Variants in GRK2 observed in about 807,000 individuals in gnomAD.
GRK2 encodes the protein G protein-coupled receptor kinase 2.
Under a neutral mutation model 97.8 loss-of-function variants are expected in GRK2, and 23 were observed. That is an observed-to-expected ratio of 0.24 (90% CI 0.17 to 0.33). GRK2 has a LOEUF of 0.33. GRK2 is among the 10% of genes least tolerant of loss of function. The probability of loss-of-function intolerance (pLI) is 1.00; values close to 1 mark genes in which losing one functional copy is unlikely to be tolerated. For missense variants in GRK2, 633 were observed against 956.9 expected, an observed-to-expected ratio of 0.66 and a Z score of 4.47; for synonymous variants, 425 against 381.7, an observed-to-expected ratio of 1.11 and a Z score of -1.32.
chr11:67,282,130 G>A lies in GRK2; in HGVS notation c.958-141G>A. ...TCTCTGGGTCCAGGTTGTAGCTGGGGACAGGAGAGAGGACCCCCACCTTTG... is the reference window on the plus strand; with the variant it reads ...TCTCTGGGTCCAGGTTGTAGCTGGGAACAGGAGAGAGGACCCCCACCTTTG... On this transcript the variant is annotated intron_variant, in intron 11 of 20. Transcript: ENST00000308595. This position sits in a 1 kb window ranked among gnomAD's most constrained non-coding sequence, Gnocchi z 6.9. 1 of 1,205,852 alleles carries A rather than the reference G, an allele frequency of 8.3e-7. No individual in the cohort carries two copies. The highest frequency in any genetic ancestry group is 1.4e-5 in the South Asian group (1 of 72,342). The allele number at this position is 1,205,852 out of a possible 1,614,324, so 74.7% of individuals were successfully genotyped here.
chr11:67,283,942 G>C lies in GRK2; in HGVS notation c.1484G>C (p.Gly495Ala). The change falls in exon 17 of 21, where the codon GGA (glycine) becomes GCA (alanine). Residue 495 changes from glycine to alanine, a missense_variant. By Grantham distance (60) the Gly-to-Ala change is moderately conservative. Coordinates refer to ENST00000308595, the MANE Select transcript of GRK2 (RefSeq NM_001619.5). ...TCCTTCGATGAGGAGGACACAAAAG[G>C]AATCAAGGTACTGGGCCTTGCCTGG... ...IGSFDEEDTK[G>A]IKLLDSDQEL... The C allele has an allele frequency of 1.2e-6, 2 of 1,609,724 alleles. No individual in the cohort carries two copies. Among genetic ancestry groups the C allele is most frequent in the Non-Finnish European group, 1.7e-6 (2 of 1,178,214 alleles).
At position 67,281,475 on chromosome 11, in the gene GRK2, C is replaced by T. The variant is rs376944198; in HGVS notation, c.664C>T (p.Leu222=). Residue 222 remains leucine, a synonymous_variant, in exon 9 of 21, where the codon CTG becomes TTG. Transcript: ENST00000308595. This position sits in a 1 kb window ranked among gnomAD's most constrained non-coding sequence, Gnocchi z 5.7. ...DTGKMYAMKC[L]DKKRIKMKQG... is the part of the protein sequence containing the mutation. ...GCCCCGTAGGTACGCCATGAAGTGC[C>T]TGGACAAAAAGCGCATCAAGATGAA... 1.3e-5 allele frequency: 21 copies of T among 1,613,626 alleles called. No homozygotes were observed. The East Asian group carries it at 2.2e-4, about 17-fold the overall frequency.
Position 67,281,044 on chromosome 11 carries a change from G to C in GRK2, c.556-49G>C. 2 of 1,523,066 alleles carry C rather than the reference G, an allele frequency of 1.3e-6. No individual in the cohort carries two copies. Among genetic ancestry groups the C allele is most frequent in the Non-Finnish European group, 1.8e-6 (2 of 1,110,530 alleles). 94.3% of individuals were successfully genotyped at this position (1,523,066 alleles called of 1,614,324 possible). ...TGCTGCCCAGGTGCCTCTGCCCCAG[G>C]GCTGGGCAGAGGCAGCCTGTGGTGA... is the stretch of plus-strand genomic sequence containing the variant. On this transcript the variant is annotated intron_variant, in intron 7 of 20. Coordinates refer to ENST00000308595, the MANE Select transcript of GRK2 (RefSeq NM_001619.5). This position sits in a 1 kb window ranked among gnomAD's most constrained non-coding sequence, Gnocchi z 5.7.
Position 67,281,081 on chromosome 11 carries a change from G to A in GRK2, c.556-12G>A, listed in dbSNP as rs368939931. On this transcript the variant is annotated splice_polypyrimidine_tract_variant and intron_variant, in intron 7 of 20. Transcript: ENST00000308595. The surrounding 1 kb of genome is among the most constrained non-coding windows in gnomAD (Gnocchi z 5.7). Reference sequence around the variant, plus strand: ...GCAGCCTGTGGTGACCGCAGCTGTCGCTGCCCCTCAGCTGACCATGAATGA... The same window carrying A: ...GCAGCCTGTGGTGACCGCAGCTGTCACTGCCCCTCAGCTGACCATGAATGA... 38 of 1,607,382 alleles carry A rather than the reference G, an allele frequency of 2.4e-5. No individual in the cohort carries two copies. Among genetic ancestry groups the A allele is most frequent in the South Asian group, 5.5e-5 (5 of 90,552 alleles).
Position 67,276,619 on chromosome 11 carries a change from T to C in GRK2, c.114-653T>C, listed in dbSNP as rs1860032738. ...TCATATAAAATTCATCATTTTATTATACAATGTAGTGTTTTTTAGTACATT... is the reference window on the plus strand; with the variant it reads ...TCATATAAAATTCATCATTTTATTACACAATGTAGTGTTTTTTAGTACATT... On this transcript the variant is annotated intron_variant, in intron 1 of 20. Coordinates refer to ENST00000308595, the MANE Select transcript of GRK2 (RefSeq NM_001619.5). This position sits in a 1 kb window ranked among gnomAD's most constrained non-coding sequence, Gnocchi z 4.2. 6.6e-6 allele frequency: 1 copy of C among 152,222 alleles called. No individual in the cohort carries two copies. Among genetic ancestry groups the C allele is most frequent in the Non-Finnish European group, 1.5e-5 (1 of 68,050 alleles). 9.4% of individuals were successfully genotyped at this position (152,222 alleles called of 1,614,324 possible). A position where few individuals can be genotyped will look rare whatever the true frequency, so the allele number is the denominator to read the frequency against.
intron 16 of GRK2, 22 bp downstream of exon 16, chr11:67,283,795 T>A: frequency 6.2e-7 from 1 of 1,612,996 alleles, no homozygotes; most frequent in Non-Finnish European, 8.5e-7. Flanking sequence ...CGGCAGGGAC[T>A]GGGGGTGCTC....
At chr11:67,284,063 C>T in intron 17 of GRK2, 114 bp downstream of exon 17, 1 of 1,407,046 alleles carries the variant, frequency 7.1e-7, no homozygotes. Context: ...AGCTTGTAGG[C>T]CTCAGTTCCT....
chr11:67,284,381 T>C lies in GRK2; in HGVS notation c.1654+8T>C, dbSNP rs1484392684. ...AGCTGGGCCATGAGGAAGGTGAGGG[T>C]CGCCGGCTGCTGCGGCACCAGGCCC... On this transcript the variant is annotated splice_region_variant and intron_variant, in intron 18 of 20. Coordinates refer to ENST00000308595, the MANE Select transcript of GRK2 (RefSeq NM_001619.5). The C allele has an allele frequency of 2.5e-6, 4 of 1,610,736 alleles. No individual in the cohort carries two copies. The highest frequency in any genetic ancestry group is 3.4e-6 in the Non-Finnish European group (4 of 1,179,462).
intron 1 of GRK2, among the ~76,000 whole-genome samples, chr11:67,271,462 GATA>G (rs2136490073): frequency 6.6e-6 from 1 of 152,356 alleles, no homozygotes; most frequent in African/African-American, 2.4e-5. Context: ...TGGGATGGGG[GATA>G]ACCCCCTCCT....
chr11:67,275,744 CT>C (rs1330466449), intron 1 of GRK2, among the ~76,000 whole-genome samples: 4 of 152,086 alleles, frequency 2.6e-5, no homozygotes, highest in Non-Finnish European at 5.9e-5. Flanking sequence ...ACCGACCCCC[CT>C]GGCTTCGCCA....
Position 67,285,060 on chromosome 11 carries a change from T to C in GRK2, c.1792-15T>C, listed in dbSNP as rs755533888. Reference sequence around the variant, plus strand: ...GCCCGGCTCTTACCTGCACCACCCATCCCTGGCCCTGCAGCAGAGCCTGCT... The same window carrying C: ...GCCCGGCTCTTACCTGCACCACCCACCCCTGGCCCTGCAGCAGAGCCTGCT... On this transcript the variant is annotated splice_polypyrimidine_tract_variant and intron_variant, in intron 19 of 20. Transcript: ENST00000308595. 6.3e-5 allele frequency: 101 copies of C among 1,612,638 alleles called. No individual in the cohort carries two copies. The highest frequency in any genetic ancestry group is 8.5e-5 in the Non-Finnish European group (100 of 1,179,732).
At position 67,284,334 on chromosome 11, in the gene GRK2, C is replaced by T. The variant is rs773007307; in HGVS notation, c.1615C>T (p.Arg539Cys). 6.2e-7 allele frequency: 1 copy of T among 1,612,890 alleles called. No individual in the cohort carries two copies. Among genetic ancestry groups the T allele is most frequent in the Non-Finnish European group, 8.5e-7 (1 of 1,179,986 alleles). Reference sequence around the variant, plus strand: ...CGCTGAGACAGACCGGCTGGAGGCTCGCAAGAAAGCCAAGAACAAGCAGCT... The same window carrying T: ...CGCTGAGACAGACCGGCTGGAGGCTTGCAAGAAAGCCAAGAACAAGCAGCT... Reference protein sequence around the residue: ...INAETDRLEARKKAKNKQLGH... With the variant: ...INAETDRLEACKKAKNKQLGH... The change falls in exon 18 of 21, where the codon CGC (arginine) becomes TGC (cysteine). Residue 539 changes from arginine (R) to cysteine (C), a missense_variant. This residue lies in a region of GRK2 where 180 missense variants were observed against 311.3 expected (regional missense o/e 0.58). Transcript: ENST00000308595.
chr11:67,274,495 C>A (rs1221191453), intron 1 of GRK2, among the ~76,000 whole-genome samples: 6 of 22,472 alleles, frequency 2.7e-4, no homozygotes, highest in African/African-American at 4.7e-4. Context: ...TGACCAGCAC[C>A]TTTTTTTTTT....
Position 67,281,727 on chromosome 11 carries a change from C to T in GRK2, c.825C>T (p.Asn275=), listed in dbSNP as rs201089866. 21 of 1,606,668 alleles carry T rather than the reference C, an allele frequency of 1.3e-5. No homozygotes were observed. The highest frequency in any genetic ancestry group is 3.3e-4 in the Middle Eastern group (2 of 6,036). Residue 275 remains asparagine (N), a splice_region_variant and synonymous_variant, in exon 10 of 21, where the codon AAC becomes AAT. Coordinates refer to ENST00000308595, the MANE Select transcript of GRK2 (RefSeq NM_001619.5). The surrounding 1 kb of genome is among the most constrained non-coding windows in gnomAD (Gnocchi z 5.7). ...TCAGCTTCATCCTGGACCTCATGAA[C>T]GGTGAGTGCTGGCCGGGCCCTAGGG... ...DKLSFILDLM[N]GGDLHYHLSQ...
In GRK2 at chr11:67,286,494, T is replaced by C; in HGVS notation, c.*1044T>C. On this transcript the variant is annotated 3_prime_UTR_variant, in exon 21 of 21. Coordinates refer to ENST00000308595, the MANE Select transcript of GRK2 (RefSeq NM_001619.5). ...TCCCCGGGGCGTTTCTTTGCCGATT[T>C]TTGAATGTGATTTTAAAGAGTGAAA... The C allele has an allele frequency of 1.4e-6, 1 of 701,056 alleles. No homozygotes were observed. Among genetic ancestry groups the C allele is most frequent in the Non-Finnish European group, 2.6e-6 (1 of 383,696 alleles). 43.4% of individuals were successfully genotyped at this position (701,056 alleles called of 1,614,324 possible).
At position 67,269,026 on chromosome 11, in the gene GRK2, C is replaced by T. The variant is rs925382729; in HGVS notation, c.113+2214C>T. 1.3e-5 allele frequency among the ~76,000 whole-genome samples: 2 copies of T among 152,240 alleles called. No individual in the cohort carries two copies. The highest frequency in any genetic ancestry group is 2.9e-5 in the Non-Finnish European group (2 of 68,048). On this transcript the variant is annotated intron_variant, in intron 1 of 20. Transcript: ENST00000308595. This position sits in a 1 kb window ranked among gnomAD's most constrained non-coding sequence, Gnocchi z 4.1. ...CCGCAAATCGCCCACATCTGTGAAA[C>T]GGACTGGAGGTGCGAGCGCCGAATG...
Position 67,279,621 on chromosome 11 carries a change from C to T in GRK2, c.367-5C>T, listed in dbSNP as rs1447482348. ...AGAATTCATGGCCACCTCTGTCTTC[C>T]CCAGCCCTTCTCGAAGAGTGCCACT... On this transcript the variant is annotated splice_region_variant and splice_polypyrimidine_tract_variant and intron_variant, in intron 4 of 20. Coordinates refer to ENST00000308595, the MANE Select transcript of GRK2 (RefSeq NM_001619.5). The T allele has an allele frequency of 1.2e-6, 2 of 1,613,462 alleles. No homozygotes were observed. The highest frequency in any genetic ancestry group is 1.3e-5 in the African/African-American group (1 of 75,044).
chr11:67,278,176 C>G (rs979698547), intron 2 of GRK2, among the ~76,000 whole-genome samples: 1 of 152,236 alleles, frequency 6.6e-6, no homozygotes, highest in Admixed American at 6.5e-5. Flanking sequence ...GAAGCCTGGC[C>G]CCCATTCCTC....
intron 1 of GRK2, among the ~76,000 whole-genome samples, chr11:67,274,459 G>A (rs1259697021): frequency 1.5e-5 from 2 of 131,642 alleles, no homozygotes; most frequent in Non-Finnish European, 3.1e-5. Flanking sequence ...CCTGTCATCT[G>A]CATCTGCCTG....
Sources: allele counts gnomAD v4.1 joint callset (sites outside exome capture counted in the v4.1 genomes callset), GRCh38; gene constraint gnomAD v4.1.1; regional missense constraint gnomAD v4.1.1; non-coding constraint Gnocchi (gnomAD v3.1); transcripts MANE v1.5; gene names NCBI Gene and HGNC (gene_info 2026-07-23, HGNC 2026-07-21).